CATSPERT: variants seen among roughly 807,000 people sequenced by gnomAD.
CATSPERT encodes the protein catsper channel auxiliary subunit tau.
the CATSPERT span, chr2:201,582,259 G>A: frequency 1.3e-6 from 2 of 1,548,062 alleles, no homozygotes; most frequent in Admixed American, 2.2e-5. Flanking sequence ...TTAAATTTGA[G>A]CCTAAATATT....
chr2:201,496,312 C>A, the CATSPERT span, among the ~76,000 whole-genome samples: 3 of 152,050 alleles, frequency 2.0e-5, no homozygotes, highest in Non-Finnish European at 4.4e-5. Context: ...TACATGGCAG[C>A]TCATATTATA....
chr2:201,588,792 A>G, the CATSPERT span, among the ~76,000 whole-genome samples: 1 of 152,114 alleles, frequency 6.6e-6, no homozygotes, highest in African/African-American at 2.4e-5. Context: ...AATAAAAGGT[A>G]TCCCAATAGG....
At chr2:201,582,055 C>A in the CATSPERT span, 1 of 1,584,626 alleles carries the variant, frequency 6.3e-7, no homozygotes, top group Admixed American at 1.9e-5. Context: ...AACCAACTGG[C>A]AACGTGATAC....
At chr2:201,542,097 CT>C in the CATSPERT span, among the ~76,000 whole-genome samples, 1 of 151,968 alleles carries the variant, frequency 6.6e-6, no homozygotes, top group Non-Finnish European at 1.5e-5. Flanking sequence ...TGTACATTGA[CT>C]TTTTACATAA....
the CATSPERT span, among the ~76,000 whole-genome samples, chr2:201,562,439 A>G: frequency 0.055 from 8,350 of 152,034 alleles, 277 homozygotes; most frequent in African/African-American, 0.08. Flanking sequence ...CACCCGCCTC[A>G]GCCTCCCAAA....
the CATSPERT span, among the ~76,000 whole-genome samples, chr2:201,587,978 A>C: frequency 1.3e-5 from 2 of 152,186 alleles, no homozygotes; most frequent in Non-Finnish European, 2.9e-5. Flanking sequence ...GACCAATAAC[A>C]AGCTCTGAAA....
the CATSPERT span, among the ~76,000 whole-genome samples, chr2:201,524,161 T>A: frequency 6.6e-6 from 1 of 151,736 alleles, no homozygotes; most frequent in African/African-American, 2.4e-5. Context: ...CCCCAAGACA[T>A]ATAGTCATCA....
At chr2:201,542,454 T>A in the CATSPERT span, among the ~76,000 whole-genome samples, 1 of 152,210 alleles carries the variant, frequency 6.6e-6, no homozygotes, top group Non-Finnish European at 1.5e-5. Context: ...CATGCTGTTT[T>A]CAAAAGCAGC....
At chr2:201,553,440 C>T in the CATSPERT span, 19 of 152,154 alleles carry the variant, frequency 1.2e-4, no homozygotes, top group Non-Finnish European at 2.2e-4. Flanking sequence ...TAACAGGCTT[C>T]CAATGACTAC....
the CATSPERT span, among the ~76,000 whole-genome samples, chr2:201,497,465 A>G: frequency 1.3e-5 from 2 of 152,270 alleles, no homozygotes; most frequent in South Asian, 4.1e-4. Flanking sequence ...TTTAAAAAAG[A>G]AACATGTATG....
the CATSPERT span, chr2:201,496,072 T>C: frequency 2.9e-6 from 2 of 698,808 alleles, no homozygotes; most frequent in Non-Finnish European, 4.5e-6. Context: ...TTTTTAAACC[T>C]AAATATTTTT....
the CATSPERT span, among the ~76,000 whole-genome samples, chr2:201,539,584 G>T: frequency 1.1e-3 from 96 of 84,896 alleles, no homozygotes; most frequent in African/African-American, 2.7e-3. Context: ...TTTGGTTTTG[G>T]TTTTTTTTGC....
At chr2:201,489,340 T>A in the CATSPERT span, among the ~76,000 whole-genome samples, 295 of 152,336 alleles carry the variant, frequency 1.9e-3, no homozygotes, top group African/African-American at 6.5e-3. Context: ...TCTTAAAAAA[T>A]TCAGAAAATC....
chr2:201,594,044 T>C, the CATSPERT span, among the ~76,000 whole-genome samples: 4,158 of 152,246 alleles, frequency 0.027, 197 homozygotes, highest in African/African-American at 0.094. Context: ...GTTATTTTGC[T>C]CGTTAGTTGA....
the CATSPERT span, among the ~76,000 whole-genome samples, chr2:201,527,138 A>G: frequency 1.4e-4 from 18 of 128,880 alleles, 1 homozygote; most frequent in South Asian, 5.2e-3. Context: ...GAGCCAAATC[A>G]AGAACACAAT....
chr2:201,537,539 T>G, the CATSPERT span: 4 of 1,242,806 alleles, frequency 3.2e-6, no homozygotes, highest in African/African-American at 6.1e-5. Context: ...CACATATGTA[T>G]GTACATTAAT....
At chr2:201,541,702 T>G in the CATSPERT span, among the ~76,000 whole-genome samples, 1 of 151,384 alleles carries the variant, frequency 6.6e-6, no homozygotes, top group East Asian at 1.9e-4. Context: ...TTCAAGAGAT[T>G]CTCATGTCTC....
At chr2:201,565,646 G>A in the CATSPERT span, 1 of 1,345,272 alleles carries the variant, frequency 7.4e-7, no homozygotes, top group Non-Finnish European at 9.7e-7. Flanking sequence ...ATGTCTCAAA[G>A]GGAGAAATTA....
chr2:201,569,955 GT>G, the CATSPERT span, among the ~76,000 whole-genome samples: 1 of 152,260 alleles, frequency 6.6e-6, no homozygotes, highest in Non-Finnish European at 1.5e-5. Flanking sequence ...GTCTGAAGTG[GT>G]GGATCACTTG....
Sources: gnomAD v4.1 joint callset for allele counts (sites outside exome capture counted in the v4.1 genomes callset) on GRCh38, gnomAD v4.1.1 for gene constraint, MANE v1.5 for transcripts, NCBI Gene and HGNC (gene_info 2026-07-23, HGNC 2026-07-21) for gene names.